The following SUSD5 variants were observed in gnomAD, a reference collection of about 807,000 sequenced individuals.
SUSD5 encodes sushi domain-containing protein 5.
A neutral mutation model predicts 29.5 loss-of-function variants in SUSD5; 33 were observed. That is an observed-to-expected ratio of 1.12 (90% CI 0.85 to 1.49). The LOEUF (loss-of-function observed/expected upper bound fraction) is 1.49, where lower values mean the gene tolerates loss of function less well. SUSD5 is among the 40% of genes most tolerant of loss of function. The pLI is 0.00. For missense variants in SUSD5, 776 were observed against 800.6 expected (o/e 0.97, Z 0.37); for synonymous variants, 308 against 325.3 (o/e 0.95, Z 0.57).
chr3:33,153,656 CACT>C lies in SUSD5; in HGVS notation c.973_975del (p.Ser325del). 1 of 1,614,026 alleles carries C rather than the reference CACT, an allele frequency of 6.2e-7. No individual in the cohort carries two copies. The highest frequency in any genetic ancestry group is 8.5e-7 in the Non-Finnish European group (1 of 1,179,894). On this transcript the variant is annotated inframe_deletion, in exon 5 of 5. Transcript: ENST00000309558. ...GGTTCACCTGGGACCAATTTTACAC[CACT>C]GTGGTTGTCTCCAGCAGAAAACTGC...
chr3:33,203,233 T>C (rs2032153001), intron 3 of SUSD5, among the ~76,000 whole-genome samples: 3 of 152,238 alleles, frequency 2.0e-5, no homozygotes, highest in African/African-American at 4.8e-5. Context: ...AGGAGCCATT[T>C]ACATGCTCTT....
chr3:33,176,396 A>G lies in SUSD5; in HGVS notation c.410-1322T>C, dbSNP rs4410405. 4.3e-3 allele frequency among the ~76,000 whole-genome samples: 648 copies of G among 152,290 alleles called. 5 individuals carry two copies. The highest frequency in any genetic ancestry group is 0.015 in the African/African-American group (610 of 41,558). On this transcript the variant is annotated intron_variant, in intron 3 of 4. Coordinates refer to ENST00000309558, the MANE Select transcript of SUSD5 (RefSeq NM_015551.2). The stretch of plus-strand genomic sequence containing the variant: ...GACTGCTGGATTGTATGGGAAGAGT[A>G]TGTTTAGTTTTGTAAGAACTGCCAA...
rs888494356 is a variant in SUSD5 at position 33,204,751 on chromosome 3, G to A, written c.409+3057C>T. On this transcript the variant is annotated intron_variant, in intron 3 of 4. Transcript: ENST00000309558. This position sits in a 1 kb window ranked among gnomAD's most constrained non-coding sequence, Gnocchi z 4.5. Reference sequence around the variant, plus strand: ...CAACCTCTACCTCCCAGGTTAAAGCGATTCTCATGCCTCAGCCTCCTGAGT... The same window carrying A: ...CAACCTCTACCTCCCAGGTTAAAGCAATTCTCATGCCTCAGCCTCCTGAGT... Among the ~76,000 whole-genome samples the A allele has an allele frequency of 4.2e-5, 6 of 142,302 alleles. No homozygotes were observed. The highest frequency in any genetic ancestry group is 1.5e-4 in the African/African-American group (6 of 40,724). 93.4% of individuals were successfully genotyped at this position (142,302 alleles called of 152,430 possible).
At chr3:33,209,213 C>A (rs1422956840) in intron 2 of SUSD5, among the ~76,000 whole-genome samples, 1 of 152,122 alleles carries the variant, frequency 6.6e-6, no homozygotes, top group African/African-American at 2.4e-5. Flanking sequence ...TAAAAATATT[C>A]TTTTCTTCAT....
At chr3:33,210,792 A>C (rs541104576) in intron 2 of SUSD5, among the ~76,000 whole-genome samples, 1 of 152,234 alleles carries the variant, frequency 6.6e-6, no homozygotes, top group African/African-American at 2.4e-5. Flanking sequence ...ATATGTTTTA[A>C]AAAATAAATT....
chr3:33,171,987 C>T (rs940373140), intron 4 of SUSD5, among the ~76,000 whole-genome samples: 1 of 152,128 alleles, frequency 6.6e-6, no homozygotes, highest in African/African-American at 2.4e-5. Context: ...AACTTGTATA[C>T]ACAGCACCTA....
chr3:33,153,245 C>T lies in SUSD5; in HGVS notation c.1387G>A (p.Gly463Ser). 6.2e-7 allele frequency: 1 copy of T among 1,613,876 alleles called. No homozygotes were observed. The highest frequency in any genetic ancestry group is 8.5e-7 in the Non-Finnish European group (1 of 1,179,882). ...NASETEGIGDGDLTKYQSTLP... is the reference protein window; with the variant it reads ...NASETEGIGDSDLTKYQSTLP... ...GTTGACTGGTACTTCGTCAAGTCAC[C>T]ATCCCCAATGCCCTCAGTCTCGGAA... is the stretch of plus-strand genomic sequence containing the variant. Residue 463 changes from glycine (G) to serine (S), a missense_variant, in exon 5 of 5, where the codon GGT becomes AGT. Physicochemically the swap from Gly to Ser is moderately conservative, Grantham distance 56. Coordinates refer to ENST00000309558, the MANE Select transcript of SUSD5 (RefSeq NM_015551.2).
rs190481680 is a variant in SUSD5, at chr3:33,213,059, T to C, written c.290+869A>G. ...GAGAAACTTAACTTTGTACTTTATA[T>C]ATATATGCATTATTTGAAATTTTTA... On this transcript the variant is annotated intron_variant, in intron 2 of 4. Transcript: ENST00000309558. Among the ~76,000 whole-genome samples the C allele has an allele frequency of 8.0e-3, 1,214 of 152,300 alleles. 23 individuals carry two copies. The highest frequency in any genetic ancestry group is 0.027 in the African/African-American group (1,123 of 41,560).
At position 33,204,447 on chromosome 3, in the gene SUSD5, A is replaced by G. The variant is rs1197779131; in HGVS notation, c.409+3361T>C. On this transcript the variant is annotated intron_variant, in intron 3 of 4. Transcript: ENST00000309558. This position sits in a 1 kb window ranked among gnomAD's most constrained non-coding sequence, Gnocchi z 4.5. ...ACCATTCTCCTGCCTCAGCCTCCCG[A>G]GCAGCTGGGACGACAGGTGCCCACT... 6.6e-6 allele frequency among the ~76,000 whole-genome samples: 1 copy of G among 151,892 alleles called. No individual in the cohort carries two copies. The highest frequency in any genetic ancestry group is 1.9e-4 in the East Asian group (1 of 5,170).
At chr3:33,182,043 G>T (rs1445435682) in intron 3 of SUSD5, among the ~76,000 whole-genome samples, 1 of 152,084 alleles carries the variant, frequency 6.6e-6, no homozygotes, top group Non-Finnish European at 1.5e-5. Flanking sequence ...ATTGATTTTA[G>T]ATCTTTCTTT....
At chr3:33,179,823 A>C (rs2031632692) in intron 3 of SUSD5, among the ~76,000 whole-genome samples, 1 of 152,242 alleles carries the variant, frequency 6.6e-6, no homozygotes, top group Non-Finnish European at 1.5e-5. Context: ...CATGTGCCAC[A>C]TAACAACATT....
intron 4 of SUSD5, among the ~76,000 whole-genome samples, chr3:33,155,237 T>C (rs1414722188): frequency 6.6e-6 from 1 of 152,184 alleles, no homozygotes; most frequent in Non-Finnish European, 1.5e-5. Flanking sequence ...CTATACTAAG[T>C]AGACAGACAA....
At chr3:33,169,068 G>T (rs1331598233) in intron 4 of SUSD5, among the ~76,000 whole-genome samples, 2 of 87,462 alleles carry the variant, frequency 2.3e-5, no homozygotes, top group South Asian at 1.3e-3. Flanking sequence ...ACATTTCTAC[G>T]GAATTCCAGA....
chr3:33,198,458 C>T lies in SUSD5; in HGVS notation c.409+9350G>A, dbSNP rs533021496. Among the ~76,000 whole-genome samples the T allele has an allele frequency of 2.0e-5, 3 of 152,274 alleles. No individual in the cohort carries two copies. In the South Asian group the frequency reaches 6.2e-4, roughly 32 times the overall value. ...TCACTTTCTTGTCATAAACATGGGG[C>T]CTGGTGGACTTTGCAAAAAGGACAA... On this transcript the variant is annotated intron_variant, in intron 3 of 4. Coordinates refer to ENST00000309558, the MANE Select transcript of SUSD5 (RefSeq NM_015551.2).
rs765605768 is a variant in SUSD5, at chr3:33,153,588, C to T, written c.1044G>A (p.Gly348=). The T allele has an allele frequency of 6.2e-7, 1 of 1,614,006 alleles. No homozygotes were observed. The highest frequency in any genetic ancestry group is 8.5e-7 in the Non-Finnish European group (1 of 1,179,892). ...TGCTGTCATTCTTGCCCACAAATGG[C>T]CCCGAGGGACCATCAGTGTTGCCGT... ...VIYGNTDGPS[G]PFVGKNDSKA... is the part of the protein sequence containing the mutation. Residue 348 remains glycine (G), a synonymous_variant, in exon 5 of 5, where the codon GGG becomes GGA. Transcript: ENST00000309558.
intron 4 of SUSD5, among the ~76,000 whole-genome samples, chr3:33,156,675 C>T (rs911962588): frequency 2.0e-5 from 3 of 152,214 alleles, no homozygotes; most frequent in African/African-American, 7.2e-5. Context: ...CACAGAGCTC[C>T]AGAGCCAAGG....
intron 3 of SUSD5, among the ~76,000 whole-genome samples, chr3:33,203,115 G>A (rs2032151163): frequency 6.6e-6 from 1 of 152,196 alleles, no homozygotes; most frequent in Admixed American, 6.5e-5. Flanking sequence ...TTCTGCCAAG[G>A]CGCTGCACCT....
At position 33,152,429 on chromosome 3, in the gene SUSD5, A is replaced by C; in HGVS notation, c.*313T>G. ...CATGAGACTCTGTCTCAAAAAAAAA[A>C]AGATAATACTGTGATGAAGGAAGAG... On this transcript the variant is annotated 3_prime_UTR_variant, in exon 5 of 5. Coordinates refer to ENST00000309558, the MANE Select transcript of SUSD5 (RefSeq NM_015551.2). 1 of 280,814 alleles carries C rather than the reference A, an allele frequency of 3.6e-6. No individual in the cohort carries two copies. Among genetic ancestry groups the C allele is most frequent in the South Asian group, 7.5e-5 (1 of 13,356 alleles). The allele number at this position is 280,814 out of a possible 1,614,324, so 17.4% of individuals were successfully genotyped here. A position where few individuals can be genotyped will look rare whatever the true frequency, so the allele number is the denominator to read the frequency against.
At chr3:33,192,249 C>CTT (rs1159569946) in intron 3 of SUSD5, among the ~76,000 whole-genome samples, 46 of 131,930 alleles carry the variant, frequency 3.5e-4, no homozygotes, top group African/African-American at 6.9e-4. Context: ...AATTTTTTTT[C>CTT]TTTTTTTTTT....
Sources: allele counts gnomAD v4.1 joint callset (sites outside exome capture counted in the v4.1 genomes callset), GRCh38; gene constraint gnomAD v4.1.1; non-coding constraint Gnocchi (gnomAD v3.1); transcripts MANE v1.5; gene names NCBI Gene and HGNC (gene_info 2026-07-23, HGNC 2026-07-21).